SHANK2: variants seen among roughly 807,000 people sequenced by gnomAD.
SHANK2 encodes SH3 and multiple ankyrin repeat domains 2.
A neutral mutation model predicts 133.7 loss-of-function variants in SHANK2; 43 were observed. The observed-to-expected ratio is 0.32, with a 90% CI of 0.25 to 0.41. SHANK2 has a LOEUF of 0.41. SHANK2 is among the 10% of genes least tolerant of loss of function. SHANK2 has a pLI of 1.00. For missense variants in SHANK2, 1,994 were observed against 2,235.8 expected, an observed-to-expected ratio of 0.89 and a Z score of 2.18; for synonymous variants, 1,017 against 952.8, an observed-to-expected ratio of 1.07 and a Z score of -1.24.
At chr11:70,816,434 T>G (rs1225067876) in intron 12 of SHANK2, among the ~76,000 whole-genome samples, 1 of 151,712 alleles carries the variant, frequency 6.6e-6, no homozygotes, top group African/African-American at 2.4e-5. Context: ...GGCTTTCCCC[T>G]CCACGGCAGG....
At chr11:70,489,486 T>C in intron 23 of SHANK2, 138 bp from the exon 24 acceptor site, 1 of 823,504 alleles carries the variant, frequency 1.2e-6, no homozygotes, top group Non-Finnish European at 2.1e-6. Flanking sequence ...AGTGACTGCC[T>C]ACAGTTATCC....
At chr11:70,490,614 C>T (rs2058873161) in intron 22 of SHANK2, among the ~76,000 whole-genome samples, 1 of 152,242 alleles carries the variant, frequency 6.6e-6, no homozygotes, top group East Asian at 1.9e-4. Context: ...TGGCCTTTGG[C>T]CCTGTTAGGA....
At chr11:70,527,625 C>A (rs1554972382) in intron 17 of SHANK2, among the ~76,000 whole-genome samples, 1 of 152,220 alleles carries the variant, frequency 6.6e-6, no homozygotes, top group African/African-American at 2.4e-5. Context: ...CCCTGGAGCC[C>A]CCGTGGTGGT....
chr11:70,674,600 C>A (rs558095909), intron 15 of SHANK2, among the ~76,000 whole-genome samples: 5 of 152,220 alleles, frequency 3.3e-5, no homozygotes, highest in Admixed American at 1.3e-4. Flanking sequence ...TGGCCTGCCT[C>A]GGCCTCCCAA....
intron 15 of SHANK2, among the ~76,000 whole-genome samples, chr11:70,686,267 C>T (rs1945150605): frequency 7.4e-6 from 1 of 135,078 alleles, no homozygotes; most frequent in Non-Finnish European, 1.6e-5. Context: ...CACACCCATC[C>T]AGCTCCCTAT....
intron 25 of SHANK2, chr11:70,474,101 C>G (rs1235049226): frequency 5.8e-6 from 1 of 172,014 alleles, no homozygotes; most frequent in Non-Finnish European, 1.3e-5. Flanking sequence ...ACCCAGACAG[C>G]AGGGCGTGGC....
chr11:70,790,321 C>A (rs1194321455), intron 14 of SHANK2, among the ~76,000 whole-genome samples: 1 of 152,198 alleles, frequency 6.6e-6, no homozygotes, highest in Non-Finnish European at 1.5e-5. Flanking sequence ...CACTGTCTCT[C>A]CACCCAGGGT....
chr11:70,900,537 A>G lies in SHANK2; in HGVS notation c.1108-3970T>C, dbSNP rs540967077. The stretch of plus-strand genomic sequence containing the variant: ...ACACACACCTAGGACAGCTGCTGAA[A>G]TAACACGTACGTGGACCATCCCCTA... On this transcript the variant is annotated intron_variant, in intron 10 of 25. Coordinates refer to ENST00000601538, the MANE Select transcript of SHANK2 (RefSeq NM_012309.5). Among the ~76,000 whole-genome samples, 18 of 152,270 alleles carry G rather than the reference A, an allele frequency of 1.2e-4. 1 individual carries two copies. The South Asian group carries it at 3.3e-3, about 28-fold the overall frequency.
At chr11:70,553,646 G>T (rs2059796255) in intron 17 of SHANK2, among the ~76,000 whole-genome samples, 1 of 152,204 alleles carries the variant, frequency 6.6e-6, no homozygotes, top group African/African-American at 2.4e-5. Context: ...TGGCACCCGG[G>T]CTCTTTCACC....
intron 2 of SHANK2, among the ~76,000 whole-genome samples, chr11:71,159,739 T>C (rs1952973674): frequency 6.6e-6 from 1 of 151,954 alleles, no homozygotes; most frequent in Non-Finnish European, 1.5e-5. Context: ...ATCCCAACAC[T>C]TTGGGAGGCT....
chr11:70,919,096 C>T (rs1356152251), intron 10 of SHANK2, among the ~76,000 whole-genome samples: 1 of 151,980 alleles, frequency 6.6e-6, no homozygotes, highest in African/African-American at 2.4e-5. Flanking sequence ...CCCAGGAGAT[C>T]GAGGCTGCAG....
At chr11:70,624,998 C>T (rs567362131) in intron 17 of SHANK2, among the ~76,000 whole-genome samples, 1 of 152,324 alleles carries the variant, frequency 6.6e-6, no homozygotes, top group Admixed American at 6.5e-5. Flanking sequence ...CAGACACCAG[C>T]TGCAAGTTCT....
chr11:71,191,905 G>C (rs1227322491), intron 2 of SHANK2, among the ~76,000 whole-genome samples: 1 of 151,770 alleles, frequency 6.6e-6, no homozygotes. Flanking sequence ...CTGTCGCCCA[G>C]GCTGGAGTGC....
intron 10 of SHANK2, among the ~76,000 whole-genome samples, chr11:70,947,190 C>T (rs1289599299): frequency 2.2e-5 from 3 of 139,188 alleles, no homozygotes; most frequent in Non-Finnish European, 3.1e-5. Flanking sequence ...CACACACACT[C>T]GTGACGTTTC....
Position 70,473,215 on chromosome 11 carries a change from G to A in SHANK2, c.5204C>T (p.Pro1735Leu). 1.9e-6 allele frequency: 3 copies of A among 1,611,084 alleles called. No homozygotes were observed. Among genetic ancestry groups the A allele is most frequent in the Non-Finnish European group, 2.5e-6 (3 of 1,177,398 alleles). Reference sequence around the variant, plus strand: ...AAGGCTAAAGACATCTGAGAGAGCGGGAGAAGGAGAGGCGGTGGCAGCAGA... The same window carrying A: ...AAGGCTAAAGACATCTGAGAGAGCGAGAGAAGGAGAGGCGGTGGCAGCAGA... Reference protein sequence around the residue: ...PLSAATASPSPALSDVFSLPS... With the variant: ...PLSAATASPSLALSDVFSLPS... The change falls in exon 26 of 26, where the codon CCC (proline) becomes CTC (leucine). Residue 1735 changes from proline (P) to leucine (L), a missense_variant. Pro to Leu is a moderately conservative substitution (Grantham distance 98, BLOSUM62 -3). Around this residue, in one of 5 missense-constraint regions of SHANK2, gnomAD observed 797 missense variants for 907.4 expected, o/e 0.88. Transcript: ENST00000601538. This position sits in a 1 kb window ranked among gnomAD's most constrained non-coding sequence, Gnocchi z 5.9.
At chr11:70,945,822 C>T (rs948478044) in intron 10 of SHANK2, among the ~76,000 whole-genome samples, 2 of 152,126 alleles carry the variant, frequency 1.3e-5, no homozygotes, top group Non-Finnish European at 2.9e-5. Flanking sequence ...GCTCACCCTT[C>T]CAGCGCACAA....
intron 17 of SHANK2, among the ~76,000 whole-genome samples, chr11:70,613,598 C>CA (rs2060695462): frequency 6.6e-6 from 1 of 151,992 alleles, no homozygotes; most frequent in South Asian, 2.1e-4. Context: ...CTGTGTCCCC[C>CA]AAAAAGAGGT....
At chr11:70,647,417 A>C (rs1555008727) in intron 17 of SHANK2, 1 of 152,274 alleles carries the variant, frequency 6.6e-6, no homozygotes, top group Non-Finnish European at 1.5e-5. Flanking sequence ...TGGTTGGAGC[A>C]GGAGGGTGGG....
At chr11:71,215,124 G>A (rs537098168) in intron 2 of SHANK2, among the ~76,000 whole-genome samples, 2 of 152,276 alleles carry the variant, frequency 1.3e-5, no homozygotes, top group South Asian at 2.1e-4. Context: ...CCCGATGTGC[G>A]ATGTCCTTCA....
Sources: allele counts gnomAD v4.1 joint callset (sites outside exome capture counted in the v4.1 genomes callset), GRCh38; gene constraint gnomAD v4.1.1; regional missense constraint gnomAD v4.1.1; non-coding constraint Gnocchi (gnomAD v3.1); transcripts MANE v1.5; gene names NCBI Gene and HGNC (gene_info 2026-07-23, HGNC 2026-07-21).